FAM171A1: variants seen among roughly 807,000 people sequenced by gnomAD.
FAM171A1 encodes protein FAM171A1.
Under a neutral mutation model 74.9 loss-of-function variants are expected in FAM171A1, and 23 were observed. That is an observed-to-expected ratio of 0.31 (90% CI 0.22 to 0.44). The LOEUF is 0.44. Among genes scored for constraint, FAM171A1 ranks in the 20% least tolerant of loss-of-function variants. The pLI, the probability that FAM171A1 is intolerant of heterozygous loss-of-function variation, is 1.00. For synonymous variants in FAM171A1, 527 were observed against 505.7 expected (o/e 1.04, Z -0.57); for missense variants, 1,162 against 1,159.2 (o/e 1.00, Z -0.03).
In FAM171A1 at chr10:15,268,009, C is replaced by T. The variant is rs574632970; in HGVS notation, c.418+7846G>A. On this transcript the variant is annotated intron_variant, in intron 3 of 7. Transcript: ENST00000378116. The stretch of plus-strand genomic sequence containing the variant: ...GGCTGTGAAGGAGAAGACAAGAGGC[C>T]GACAGTGAGCACGTGGGCCTAAAAG... 1.1e-4 allele frequency among the ~76,000 whole-genome samples: 17 copies of T among 152,190 alleles called. No homozygotes were observed. In the South Asian group the frequency reaches 1.9e-3, roughly 17 times the overall value.
chr10:15,336,379 C>T (rs1835700047), intron 1 of FAM171A1, among the ~76,000 whole-genome samples: 1 of 151,498 alleles, frequency 6.6e-6, no homozygotes. Flanking sequence ...TTGCCCTCTA[C>T]ATGTGAAATG....
intron 1 of FAM171A1, among the ~76,000 whole-genome samples, chr10:15,298,752 G>A (rs933350726): frequency 4.6e-5 from 7 of 151,928 alleles, no homozygotes; most frequent in East Asian, 3.9e-4. Flanking sequence ...ACTATACCAC[G>A]GAAATGTAAA....
At chr10:15,237,219 A>G (rs1338482705) in intron 5 of FAM171A1, among the ~76,000 whole-genome samples, 1 of 152,238 alleles carries the variant, frequency 6.6e-6, no homozygotes, top group Non-Finnish European at 1.5e-5. Context: ...CCAAGATCAC[A>G]AAAGCAGGCT....
upstream of FAM171A1, among the ~76,000 whole-genome samples, chr10:15,373,225 G>A (rs1292558190): frequency 1.3e-5 from 2 of 152,208 alleles, no homozygotes; most frequent in African/African-American, 4.8e-5. Flanking sequence ...GTGGCAGGTA[G>A]TCAGGAAGGC....
chr10:15,317,389 TTTTTAA>T (rs1236049441), intron 1 of FAM171A1, among the ~76,000 whole-genome samples: 7 of 152,200 alleles, frequency 4.6e-5, no homozygotes, highest in African/African-American at 1.7e-4. Context: ...TATTTTATTT[TTTTTAA>T]TTTTAATTTT....
intron 1 of FAM171A1, among the ~76,000 whole-genome samples, chr10:15,316,526 G>A (rs1180328809): frequency 6.6e-6 from 1 of 152,184 alleles, no homozygotes; most frequent in African/African-American, 2.4e-5. Flanking sequence ...CAGTCTGCAG[G>A]CTCCAGACCT....
intron 1 of FAM171A1, among the ~76,000 whole-genome samples, chr10:15,300,989 A>G (rs1225268909): frequency 6.6e-6 from 1 of 152,220 alleles, no homozygotes; most frequent in Non-Finnish European, 1.5e-5. Context: ...ATGCCTGGCT[A>G]TGGTTCTTGG....
At position 15,220,986 on chromosome 10, in the gene FAM171A1, G is replaced by T. The variant is rs554506784; in HGVS notation, c.829C>A (p.Gln277Lys). ...SQLTWTYIAPQLGYWVAAMSP... is the reference protein window; with the variant it reads ...SQLTWTYIAPKLGYWVAAMSP... ...ATGGCGGCCACCCAGTACCCCAACTGGGGGGCAATGTATGTCCACGTCAGC... is the reference window on the plus strand; with the variant it reads ...ATGGCGGCCACCCAGTACCCCAACTTGGGGGCAATGTATGTCCACGTCAGC... Residue 277 changes from glutamine (Q) to lysine (K), a missense_variant, in exon 6 of 8, where the codon CAG becomes AAG. By Grantham distance (53) the Gln-to-Lys change is moderately conservative. Transcript: ENST00000378116. 1 of 1,613,988 alleles carries T rather than the reference G, an allele frequency of 6.2e-7. No individual in the cohort carries two copies. The highest frequency in any genetic ancestry group is 2.2e-5 in the East Asian group (1 of 44,858).
At chr10:15,280,232 A>C (rs1834950315) in intron 2 of FAM171A1, among the ~76,000 whole-genome samples, 1 of 152,166 alleles carries the variant, frequency 6.6e-6, no homozygotes, top group Admixed American at 6.5e-5. Context: ...TGGCCAGGGG[A>C]GGAGGCTCCG....
chr10:15,267,084 C>T (rs536745591), intron 3 of FAM171A1, among the ~76,000 whole-genome samples: 4 of 152,258 alleles, frequency 2.6e-5, no homozygotes, highest in South Asian at 2.1e-4. Context: ...GCTTCTCCTT[C>T]CGAAATCTGG....
At chr10:15,331,836 T>C (rs1190026466) in intron 1 of FAM171A1, among the ~76,000 whole-genome samples, 13 of 113,230 alleles carry the variant, frequency 1.1e-4, no homozygotes, top group East Asian at 3.3e-4. Flanking sequence ...TGTGTGTATA[T>C]ATATGTGTGT....
At chr10:15,268,423 G>A (rs935567248) in intron 3 of FAM171A1, among the ~76,000 whole-genome samples, 5 of 152,108 alleles carry the variant, frequency 3.3e-5, no homozygotes, top group Admixed American at 1.3e-4. Flanking sequence ...GATTCGAGGA[G>A]AGAAGAATCA....
chr10:15,288,913 C>T (rs770028093), intron 1 of FAM171A1, among the ~76,000 whole-genome samples: 7 of 144,798 alleles, frequency 4.8e-5, no homozygotes, highest in Non-Finnish European at 1.0e-4. Context: ...ACCTCCACTT[C>T]CCGGGTTCAA....
intron 1 of FAM171A1, among the ~76,000 whole-genome samples, chr10:15,367,366 A>G (rs1291909549): frequency 6.6e-6 from 1 of 152,218 alleles, no homozygotes; most frequent in Non-Finnish European, 1.5e-5. Context: ...AATAAGATAT[A>G]AAAATAATTC....
chr10:15,233,747 C>T (rs185487195), intron 5 of FAM171A1, among the ~76,000 whole-genome samples: 158 of 152,014 alleles, frequency 1.0e-3, no homozygotes, highest in Non-Finnish European at 1.7e-3. Flanking sequence ...ACTAAAAATA[C>T]AAAAAGTAGC....
At chr10:15,367,221 A>AACAAACAC (rs1479501687) in intron 1 of FAM171A1, among the ~76,000 whole-genome samples, 13 of 151,258 alleles carry the variant, frequency 8.6e-5, no homozygotes, top group Admixed American at 4.6e-4. Flanking sequence ...CAAACAAACA[A>AACAAACAC]ACACACACAC....
At chr10:15,214,915 C>T (rs1833948635) in intron 7 of FAM171A1, among the ~76,000 whole-genome samples, 1 of 152,068 alleles carries the variant, frequency 6.6e-6, no homozygotes, top group African/African-American at 2.4e-5. Flanking sequence ...CACATGCCAC[C>T]ATGCCCAGCT....
rs1835008939 is a variant in FAM171A1, at chr10:15,284,247, A to G, written c.98-142T>C. On this transcript the variant is annotated intron_variant, in intron 1 of 7. Transcript: ENST00000378116. ...ACTCAAAATATGCAGTTTTTACCAG[A>G]GACATTTTCTCCTTACAGGTCTACT... The G allele has an allele frequency of 1.6e-5, 12 of 728,266 alleles. No individual in the cohort carries two copies. In the South Asian group the frequency reaches 2.3e-4, roughly 14 times the overall value. 45.1% of individuals were successfully genotyped at this position (728,266 alleles called of 1,614,324 possible).
At chr10:15,356,886 G>T (rs1008242420) in intron 1 of FAM171A1, among the ~76,000 whole-genome samples, 1 of 152,014 alleles carries the variant, frequency 6.6e-6, no homozygotes, top group Non-Finnish European at 1.5e-5. Context: ...CAGGAGAATC[G>T]CTTGAACCTG....
Sources: allele counts gnomAD v4.1 joint callset (sites outside exome capture counted in the v4.1 genomes callset), GRCh38; gene constraint gnomAD v4.1.1; transcripts MANE v1.5; gene names NCBI Gene and HGNC (gene_info 2026-07-23, HGNC 2026-07-21).